The following PPP2R1A variants were observed in gnomAD, a reference collection of about 807,000 sequenced individuals.
PPP2R1A encodes the protein protein phosphatase 2 scaffold subunit Aalpha, also known as serine/threonine-protein phosphatase 2A 65 kDa regulatory subunit A alpha isoform.
Under a neutral mutation model 67.1 loss-of-function variants are expected in PPP2R1A, and 15 were observed. The ratio of observed to expected loss-of-function variants is 0.22; its 90% CI spans 0.15 to 0.34. The LOEUF (loss-of-function observed/expected upper bound fraction) is 0.34, where lower values mean the gene tolerates loss of function less well. Among genes scored for constraint, PPP2R1A ranks in the 10% least tolerant of loss-of-function variants. The pLI is 1.00. For missense variants in PPP2R1A, 369 were observed against 775.0 expected (o/e 0.48, Z 6.22); for synonymous variants, 337 against 325.0 (o/e 1.04, Z -0.40).
chr19:52,213,457 GTT>G lies in PPP2R1A; in HGVS notation c.807+376_807+377del, dbSNP rs398035011. 0.095 allele frequency among the ~76,000 whole-genome samples: 6,745 copies of G among 71,284 alleles called. 196 individuals are homozygous for G. Among genetic ancestry groups the G allele is most frequent in the Non-Finnish European group, 0.12 (4,614 of 37,416 alleles). The allele number at this position is 71,284 out of a possible 152,430, so 46.8% of individuals were successfully genotyped here. A position where few individuals can be genotyped will look rare whatever the true frequency, so the allele number is the denominator to read the frequency against. On this transcript the variant is annotated intron_variant, in intron 6 of 14. Coordinates refer to ENST00000322088, the MANE Select transcript of PPP2R1A (RefSeq NM_014225.6). The surrounding 1 kb of genome is among the most constrained non-coding windows in gnomAD (Gnocchi z 4.2). Reference sequence around the variant, plus strand: ...GCCCAAAAAGGTGGGGTTTTTTGGTGTTTTTTTTTTTTTTTTTTTTTTTTTTT... The same window carrying G: ...GCCCAAAAAGGTGGGGTTTTTTGGTGTTTTTTTTTTTTTTTTTTTTTTTTT...
Position 52,226,536 on chromosome 19 carries a change from C to T in PPP2R1A, c.*555C>T, listed in dbSNP as rs1044253953. On this transcript the variant is annotated 3_prime_UTR_variant, in exon 15 of 15. Coordinates refer to ENST00000322088, the MANE Select transcript of PPP2R1A (RefSeq NM_014225.6). ...CAGGACCCATTATACCCCTATGTCC[C>T]GAAAGAATACTCTGGGGATCCCCCC... The T allele has an allele frequency of 7.1e-5, 15 of 210,098 alleles. No homozygotes were observed. The Admixed American group carries it at 7.6e-4, about 11-fold the overall frequency. 13.0% of individuals were successfully genotyped at this position (210,098 alleles called of 1,614,324 possible).
chr19:52,207,110 C>T (rs1163573365), intron 3 of PPP2R1A, among the ~76,000 whole-genome samples: 1 of 152,150 alleles, frequency 6.6e-6, no homozygotes, highest in Admixed American at 6.5e-5. Context: ...TTCATCTGGG[C>T]ATATGTGTAT....
At chr19:52,208,036 T>C (rs1041808521) in intron 3 of PPP2R1A, among the ~76,000 whole-genome samples, 3 of 152,190 alleles carry the variant, frequency 2.0e-5, no homozygotes, top group African/African-American at 4.8e-5. Flanking sequence ...TCCACAAACA[T>C]TGAGCAAGGT....
chr19:52,190,077 A>G lies in PPP2R1A; in HGVS notation c.-20A>G, dbSNP rs199921290. The stretch of plus-strand genomic sequence containing the variant: ...AGCACAGCGCTGGCCGCAGTCTGAC[A>G]GGAAAGGGACGGAGCCAAGATGGCG... On this transcript the variant is annotated 5_prime_UTR_variant, in exon 1 of 15. Coordinates refer to ENST00000322088, the MANE Select transcript of PPP2R1A (RefSeq NM_014225.6). The G allele has an allele frequency of 3.7e-5, 57 of 1,541,238 alleles. 1 individual carries two copies. The East Asian group carries it at 1.3e-3, about 34-fold the overall frequency.
Position 52,219,922 on chromosome 19 carries a change from C to T in PPP2R1A, c.1302+58C>T. ...TGCCTCAGGGGAGGTGCAGTATGTC[C>T]AGGGCTGTGATGGGGAAACGGGGCT... On this transcript the variant is annotated intron_variant, in intron 10 of 14. Coordinates refer to ENST00000322088, the MANE Select transcript of PPP2R1A (RefSeq NM_014225.6). The surrounding 1 kb of genome is among the most constrained non-coding windows in gnomAD (Gnocchi z 4.0). 3 of 1,549,430 alleles carry T rather than the reference C, an allele frequency of 1.9e-6. No homozygotes were observed. Among genetic ancestry groups the T allele is most frequent in the Non-Finnish European group, 2.6e-6 (3 of 1,148,158 alleles).
At position 52,216,514 on chromosome 19, in the gene PPP2R1A, T is replaced by G. The variant is rs1305955317; in HGVS notation, c.994-15T>G. ...GGTTGCACTGACCCCTGTGCCTGCC[T>G]CTTCTCTCTCCCAGGAGCTGGTGTC... On this transcript the variant is annotated splice_polypyrimidine_tract_variant and intron_variant, in intron 8 of 14. Coordinates refer to ENST00000322088, the MANE Select transcript of PPP2R1A (RefSeq NM_014225.6). The surrounding 1 kb of genome is among the most constrained non-coding windows in gnomAD (Gnocchi z 4.3). 2 of 1,614,046 alleles carry G rather than the reference T, an allele frequency of 1.2e-6. No individual in the cohort carries two copies. The highest frequency in any genetic ancestry group is 4.5e-5 in the East Asian group (2 of 44,892).
chr19:52,211,260 C>T lies in PPP2R1A; in HGVS notation c.271C>T (p.Pro91Ser), dbSNP rs1288901554. 6.2e-7 allele frequency: 1 copy of T among 1,611,788 alleles called. No homozygotes were observed. The highest frequency in any genetic ancestry group is 8.5e-7 in the Non-Finnish European group (1 of 1,179,620). ...GGPEYVHCLL[P>S]PLESLATVEE... ...CAGTGACTTTGTGTTCTCACCACAG[C>T]CACCGCTGGAGTCGCTGGCCACAGT... The change falls in exon 4 of 15, where the codon CCA (proline) becomes TCA (serine). Residue 91 changes from proline (P) to serine (S), a missense_variant and splice_region_variant. By Grantham distance (74) the Pro-to-Ser change is moderately conservative. Transcript: ENST00000322088. The surrounding 1 kb of genome is among the most constrained non-coding windows in gnomAD (Gnocchi z 5.3).
At chr19:52,197,326 C>A (rs1056348701) in intron 1 of PPP2R1A, among the ~76,000 whole-genome samples, 1 of 152,046 alleles carries the variant, frequency 6.6e-6, no homozygotes, top group Non-Finnish European at 1.5e-5. Context: ...AAATTGCGTT[C>A]ATTATTAGAC....
intron 13 of PPP2R1A, 35 bp downstream of exon 13, chr19:52,222,276 G>A (rs1217433342): frequency 6.3e-7 from 1 of 1,597,384 alleles, no homozygotes; most frequent in Non-Finnish European, 8.5e-7. Context: ...CACTGGCAGG[G>A]GCTTCTTGTG....
intron 10 of PPP2R1A, 46 bp from the exon 11 acceptor site, chr19:52,220,143 T>G: frequency 6.3e-7 from 1 of 1,590,120 alleles, no homozygotes; most frequent in Non-Finnish European, 8.6e-7. Context: ...TCCCCCTGTT[T>G]GCTCTCCTGG....
At chr19:52,217,642 T>C (rs957305133) in intron 9 of PPP2R1A, among the ~76,000 whole-genome samples, 4 of 152,172 alleles carry the variant, frequency 2.6e-5, no homozygotes, top group Admixed American at 6.5e-5. Context: ...TGCTCTAATA[T>C]AGACCCCAGA....
Position 52,201,980 on chromosome 19 carries a change from G to C in PPP2R1A, c.115G>C (p.Ala39Pro). The part of the protein sequence containing the change: ...LNSIKKLSTI[A>P]LALGVERTRS... ...CAGCATCAAGAAGCTGTCCACCATCGCCTTGGCCCTTGGGGTTGAAAGGAC... is the reference window on the plus strand; with the variant it reads ...CAGCATCAAGAAGCTGTCCACCATCCCCTTGGCCCTTGGGGTTGAAAGGAC... Residue 39 changes from alanine (A) to proline (P), a missense_variant, in exon 2 of 15, where the codon GCC becomes CCC. Transcript: ENST00000322088. 6.2e-7 allele frequency: 1 copy of C among 1,614,124 alleles called. No homozygotes were observed. The highest frequency in any genetic ancestry group is 8.5e-7 in the Non-Finnish European group (1 of 1,180,030).
chr19:52,199,835 T>A (rs112739049), intron 1 of PPP2R1A, among the ~76,000 whole-genome samples: 2,177 of 152,354 alleles, frequency 0.014, 53 homozygotes, highest in African/African-American at 0.05. Context: ...GGTCTGTCTC[T>A]ATATACGTTT....
rs1215721781 is a variant in PPP2R1A, at chr19:52,211,923, C to T, written c.503+431C>T. Among the ~76,000 whole-genome samples, 1 of 152,198 alleles carries T rather than the reference C, an allele frequency of 6.6e-6. No individual in the cohort carries two copies. Among genetic ancestry groups the T allele is most frequent in the African/African-American group, 2.4e-5 (1 of 41,444 alleles). On this transcript the variant is annotated intron_variant, in intron 4 of 14. Coordinates refer to ENST00000322088, the MANE Select transcript of PPP2R1A (RefSeq NM_014225.6). This position sits in a 1 kb window ranked among gnomAD's most constrained non-coding sequence, Gnocchi z 5.3. ...CTCGTCTACTTTGCAAACGATTGAC[C>T]GTCAAGCCCGGGTTTGAGCCTGACT...
rs2089672769 is a variant in PPP2R1A, at chr19:52,211,775, T to G, written c.503+283T>G. Reference sequence around the variant, plus strand: ...GAGGATTTAAAAGAATTATCACACATAAAGTGCTTAGAGCAAAATCTGGAA... The same window carrying G: ...GAGGATTTAAAAGAATTATCACACAGAAAGTGCTTAGAGCAAAATCTGGAA... On this transcript the variant is annotated intron_variant, in intron 4 of 14. Transcript: ENST00000322088. The surrounding 1 kb of genome is among the most constrained non-coding windows in gnomAD (Gnocchi z 5.3). 1 of 474,730 alleles carries G rather than the reference T, an allele frequency of 2.1e-6. No homozygotes were observed. The highest frequency in any genetic ancestry group is 3.7e-6 in the Non-Finnish European group (1 of 267,766). The allele number at this position is 474,730 out of a possible 1,614,324, so 29.4% of individuals were successfully genotyped here. A position where few individuals can be genotyped will look rare whatever the true frequency, so the allele number is the denominator to read the frequency against.
rs1031809344 is a variant in PPP2R1A at position 52,226,593 on chromosome 19, C to A, written c.*612C>A. ...GCTGCTGGCCTTTGGGGTAGAGGGTCCATGAGGTGCTCTGGGTGGTGTCCT... is the reference window on the plus strand; with the variant it reads ...GCTGCTGGCCTTTGGGGTAGAGGGTACATGAGGTGCTCTGGGTGGTGTCCT... On this transcript the variant is annotated 3_prime_UTR_variant, in exon 15 of 15. Transcript: ENST00000322088. 5.2e-6 allele frequency: 1 copy of A among 191,040 alleles called. No homozygotes were observed. The highest frequency in any genetic ancestry group is 2.3e-5 in the African/African-American group (1 of 42,870). 11.8% of individuals were successfully genotyped at this position (191,040 alleles called of 1,614,324 possible). A position where few individuals can be genotyped will look rare whatever the true frequency, so the allele number is the denominator to read the frequency against.
chr19:52,221,884 G>A, intron 12 of PPP2R1A: 1 of 492,630 alleles, frequency 2.0e-6, no homozygotes. Flanking sequence ...TCGATCTCCA[G>A]AATAATTAAG....
chr19:52,193,528 T>C (rs967274814), intron 1 of PPP2R1A, among the ~76,000 whole-genome samples: 1 of 152,198 alleles, frequency 6.6e-6, no homozygotes, highest in African/African-American at 2.4e-5. Flanking sequence ...CAGTAATTGC[T>C]AAGAAGAAAA....
In PPP2R1A at chr19:52,226,608, G is replaced by C; in HGVS notation, c.*627G>C. ...GGTAGAGGGTCCATGAGGTGCTCTG[G>C]GTGGTGTCCTGTAGTGCAGTTCAGA... On this transcript the variant is annotated 3_prime_UTR_variant, in exon 15 of 15. Transcript: ENST00000322088. 5.3e-6 allele frequency: 1 copy of C among 188,456 alleles called. No homozygotes were observed. The highest frequency in any genetic ancestry group is 1.1e-5 in the Non-Finnish European group (1 of 89,666). The allele number at this position is 188,456 out of a possible 1,614,324, so 11.7% of individuals were successfully genotyped here.
Sources: allele counts gnomAD v4.1 joint callset (sites outside exome capture counted in the v4.1 genomes callset), GRCh38; gene constraint gnomAD v4.1.1; non-coding constraint Gnocchi (gnomAD v3.1); transcripts MANE v1.5; gene names NCBI Gene and HGNC (gene_info 2026-07-23, HGNC 2026-07-21).